SLC39A11: variants seen among roughly 807,000 people sequenced by gnomAD.
SLC39A11 encodes the protein zinc transporter ZIP11.
In SLC39A11, 33 loss-of-function variants were observed where a neutral mutation model predicts 36.1. The observed-to-expected ratio is 0.91, with a 90% confidence interval of 0.69 to 1.22. The LOEUF is 1.22. SLC39A11 is among the 50% of genes most tolerant of loss of function. The pLI is 0.00. For synonymous variants in SLC39A11, 166 were observed against 170.3 expected, an observed-to-expected ratio of 0.97 and a Z score of 0.20; for missense variants, 432 against 430.3, an observed-to-expected ratio of 1.00 and a Z score of -0.03.
intron 4 of SLC39A11, among the ~76,000 whole-genome samples, chr17:73,027,854 G>A (rs777966125): frequency 3.3e-5 from 5 of 152,244 alleles, no homozygotes; most frequent in South Asian, 4.1e-4. Flanking sequence ...AAGCCATATC[G>A]CTGCCTTTTC....
At chr17:72,918,480 CCT>C (rs1366373936) in intron 5 of SLC39A11, among the ~76,000 whole-genome samples, 1 of 152,138 alleles carries the variant, frequency 6.6e-6, no homozygotes, top group Non-Finnish European at 1.5e-5. Context: ...TCCTAATGTC[CCT>C]GATTCACACC....
At chr17:72,654,000 A>T (rs1372776409) in intron 7 of SLC39A11, among the ~76,000 whole-genome samples, 1 of 152,200 alleles carries the variant, frequency 6.6e-6, no homozygotes, top group Non-Finnish European at 1.5e-5. Context: ...TTTAGGAAAA[A>T]GGTGTCATTC....
intron 6 of SLC39A11, among the ~76,000 whole-genome samples, chr17:72,737,568 T>C (rs1215762442): frequency 1.3e-5 from 2 of 152,172 alleles, no homozygotes; most frequent in Non-Finnish European, 2.9e-5. Flanking sequence ...ACTGCAGACA[T>C]AGGTGTCTTT....
intron 4 of SLC39A11, among the ~76,000 whole-genome samples, chr17:72,988,103 C>G (rs1055612462): frequency 1.3e-5 from 2 of 152,128 alleles, no homozygotes; most frequent in African/African-American, 4.8e-5. Flanking sequence ...GACATCCATC[C>G]CCTCAAGCTT....
At chr17:72,799,715 G>C (rs187462623) in intron 6 of SLC39A11, among the ~76,000 whole-genome samples, 1 of 151,750 alleles carries the variant, frequency 6.6e-6, no homozygotes, top group Non-Finnish European at 1.5e-5. Flanking sequence ...TGGTCAGACC[G>C]GTTCTCTGCT....
Position 72,816,000 on chromosome 17 carries a change from G to A in SLC39A11, c.601+33634C>T, listed in dbSNP as rs8066671. Among the ~76,000 whole-genome samples the A allele has an allele frequency of 9.3e-3, 1,417 of 152,324 alleles. 31 individuals are homozygous for A. The highest frequency in any genetic ancestry group is 0.033 in the African/African-American group (1,375 of 41,574). ...GCCTGTCTCTAGCTTTCCTTTATAT[G>A]AGAAAAGATAACATTGTTTCAGATA... is the stretch of plus-strand genomic sequence containing the variant. On this transcript the variant is annotated intron_variant, in intron 6 of 9. Coordinates refer to ENST00000255559, the MANE Select transcript of SLC39A11 (RefSeq NM_139177.4).
At chr17:72,704,702 C>A (rs771633319) in intron 7 of SLC39A11, among the ~76,000 whole-genome samples, 2 of 114,416 alleles carry the variant, frequency 1.7e-5, no homozygotes, top group Non-Finnish European at 4.2e-5. Flanking sequence ...CTTAGCATGA[C>A]CTGGCAGTTC....
chr17:72,733,528 G>A (rs2074310521), intron 7 of SLC39A11, among the ~76,000 whole-genome samples: 2 of 152,146 alleles, frequency 1.3e-5, no homozygotes, highest in African/African-American at 4.8e-5. Flanking sequence ...GGCTGGACTG[G>A]CTGAGTCTGG....
At position 72,736,164 on chromosome 17, in the gene SLC39A11, C is replaced by G. The variant is rs1276682006; in HGVS notation, c.671+486G>C. Among the ~76,000 whole-genome samples the G allele has an allele frequency of 3.9e-5, 6 of 152,254 alleles. No homozygotes were observed. The East Asian group carries it at 1.2e-3, about 30-fold the overall frequency. ...GTGTGTTCAGTGAGAAGGAAGGATG[C>G]TCTGGATACAGGTCCCTGGGAACAT... On this transcript the variant is annotated intron_variant, in intron 7 of 9. Transcript: ENST00000255559.
At chr17:72,698,997 A>AT (rs1270858701) in intron 7 of SLC39A11, among the ~76,000 whole-genome samples, 64 of 151,582 alleles carry the variant, frequency 4.2e-4, no homozygotes, top group Admixed American at 4.6e-4. Context: ...CACCTAGATA[A>AT]TTTTTGTATT....
chr17:72,675,358 G>A (rs981859474), intron 7 of SLC39A11, among the ~76,000 whole-genome samples: 15 of 152,180 alleles, frequency 9.9e-5, no homozygotes, highest in Non-Finnish European at 2.2e-4. Context: ...GGTCCTCACG[G>A]GCACTGAATC....
intron 6 of SLC39A11, among the ~76,000 whole-genome samples, chr17:72,839,888 G>A (rs984341301): frequency 2.0e-5 from 3 of 152,162 alleles, no homozygotes; most frequent in Non-Finnish European, 2.9e-5. Context: ...TGAGAACCAC[G>A]CCAACGTGGT....
rs118175211 is a variant in SLC39A11, at chr17:72,947,224, G to A, written c.430+528C>T. ...AGCTACTTGAGAAGTCGAGGCAGGAGAATCCCTTGAACCTGAAAGGTGGAA... is the reference window on the plus strand; with the variant it reads ...AGCTACTTGAGAAGTCGAGGCAGGAAAATCCCTTGAACCTGAAAGGTGGAA... On this transcript the variant is annotated intron_variant, in intron 5 of 9. Coordinates refer to ENST00000255559, the MANE Select transcript of SLC39A11 (RefSeq NM_139177.4). 3.9e-3 allele frequency among the ~76,000 whole-genome samples: 593 copies of A among 151,792 alleles called. 4 individuals are homozygous for A. The highest frequency in any genetic ancestry group is 4.4e-3 in the Non-Finnish European group (301 of 67,984).
chr17:72,806,292 CATT>C (rs1436995447), intron 6 of SLC39A11, among the ~76,000 whole-genome samples: 1 of 152,128 alleles, frequency 6.6e-6, no homozygotes, highest in African/African-American at 2.4e-5. Context: ...TATGAATCAT[CATT>C]GAGTGAATGT....
intron 5 of SLC39A11, among the ~76,000 whole-genome samples, chr17:72,931,164 A>G (rs2084371300): frequency 6.6e-6 from 1 of 152,212 alleles, no homozygotes; most frequent in Non-Finnish European, 1.5e-5. Flanking sequence ...GTACAGGCCC[A>G]AAAAGAGAGG....
intron 7 of SLC39A11, among the ~76,000 whole-genome samples, chr17:72,687,918 T>C (rs1216606974): frequency 6.6e-6 from 1 of 152,114 alleles, no homozygotes; most frequent in African/African-American, 2.4e-5. Context: ...GCCACACACC[T>C]CCTGGAGAGC....
chr17:72,872,294 A>G (rs370253955), intron 5 of SLC39A11, among the ~76,000 whole-genome samples: 7 of 152,138 alleles, frequency 4.6e-5, no homozygotes, highest in East Asian at 1.9e-4. Flanking sequence ...CACATGGGAA[A>G]CCCTAGGATA....
intron 6 of SLC39A11, among the ~76,000 whole-genome samples, chr17:72,847,860 A>C (rs974809936): frequency 8.5e-5 from 13 of 152,182 alleles, no homozygotes; most frequent in African/African-American, 3.1e-4. Flanking sequence ...ATGACTAGAA[A>C]GCTTTGCCCA....
chr17:72,715,351 T>C lies in SLC39A11; in HGVS notation c.671+21299A>G, dbSNP rs192652015. On this transcript the variant is annotated intron_variant, in intron 7 of 9. Coordinates refer to ENST00000255559, the MANE Select transcript of SLC39A11 (RefSeq NM_139177.4). ...TCTTGAAGAGATATTCTTACATTCATGTTCACAAGCAGCACTATTCACAAG... is the reference window on the plus strand; with the variant it reads ...TCTTGAAGAGATATTCTTACATTCACGTTCACAAGCAGCACTATTCACAAG... Among the ~76,000 whole-genome samples, 4 of 152,356 alleles carry C rather than the reference T, an allele frequency of 2.6e-5. No homozygotes were observed. In the East Asian group the frequency reaches 7.7e-4, roughly 29 times the overall value.
Sources: gnomAD v4.1 joint callset for allele counts (sites outside exome capture counted in the v4.1 genomes callset) on GRCh38, gnomAD v4.1.1 for gene constraint, MANE v1.5 for transcripts, NCBI Gene and HGNC (gene_info 2026-07-23, HGNC 2026-07-21) for gene names.